Variants in ZNF462 observed in about 807,000 individuals in gnomAD.
ZNF462 encodes the protein zinc finger PBX1-interacting protein.
Under a neutral mutation model 201.9 loss-of-function variants are expected in ZNF462, and 10 were observed. That is an observed-to-expected ratio of 0.05 (90% CI 0.03 to 0.08). The LOEUF (loss-of-function observed/expected upper bound fraction) is 0.08. ZNF462 is among the 10% of genes least tolerant of loss of function. The probability of loss-of-function intolerance (pLI) is 1.00; values close to 1 mark genes in which losing one functional copy is unlikely to be tolerated. For synonymous variants in ZNF462, 1,227 were observed against 1,193.3 expected, an observed-to-expected ratio of 1.03 and a Z score of -0.58; for missense variants, 2,523 against 3,168.3, an observed-to-expected ratio of 0.80 and a Z score of 4.89.
rs1021668981 is a variant in ZNF462 at position 106,923,884 on chromosome 9, G to T, written c.221-249G>T. 1.3e-5 allele frequency among the ~76,000 whole-genome samples: 2 copies of T among 152,162 alleles called. No individual in the cohort carries two copies. The highest frequency in any genetic ancestry group is 4.8e-5 in the African/African-American group (2 of 41,436). ...AATTTATGCAACTTGTATTTTTATA[G>T]CTGTGTGGCTCATTTATGGAGATGA... On this transcript the variant is annotated intron_variant, in intron 2 of 12. Coordinates refer to ENST00000277225, the MANE Select transcript of ZNF462 (RefSeq NM_021224.6). This position sits in a 1 kb window ranked among gnomAD's most constrained non-coding sequence, Gnocchi z 5.6.
At chr9:106,907,097 G>C (rs190273465) in intron 1 of ZNF462, among the ~76,000 whole-genome samples, 4 of 152,232 alleles carry the variant, frequency 2.6e-5, no homozygotes, top group African/African-American at 9.6e-5. Flanking sequence ...ATATAGTGGA[G>C]TGTTGATAGA....
rs539052572 is a variant in ZNF462, at chr9:106,974,780, A to G, written c.6832+507A>G. 8.2e-5 allele frequency: 13 copies of G among 158,374 alleles called. No homozygotes were observed. The highest frequency in any genetic ancestry group is 2.9e-4 in the African/African-American group (12 of 41,614). The allele number at this position is 158,374 out of a possible 1,614,324, so 9.8% of individuals were successfully genotyped here. On this transcript the variant is annotated intron_variant, in intron 9 of 12. Coordinates refer to ENST00000277225, the MANE Select transcript of ZNF462 (RefSeq NM_021224.6). This position sits in a 1 kb window ranked among gnomAD's most constrained non-coding sequence, Gnocchi z 4.0. Reference sequence around the variant, plus strand: ...ATTATACATTCTAATAATAGTCTCTATTATATATTCTAATAATAATTAGAA... The same window carrying G: ...ATTATACATTCTAATAATAGTCTCTGTTATATATTCTAATAATAATTAGAA...
At chr9:106,987,960 TCA>T (rs1827979296) in intron 10 of ZNF462, among the ~76,000 whole-genome samples, 1 of 152,198 alleles carries the variant, frequency 6.6e-6, no homozygotes, top group Admixed American at 6.5e-5. Flanking sequence ...TTGCCAAAGA[TCA>T]ATTGGCTATA....
rs1326785084 is a variant in ZNF462, at chr9:106,950,063, G to A, written c.6427+10956G>A. Among the ~76,000 whole-genome samples, 6 of 152,040 alleles carry A rather than the reference G, an allele frequency of 3.9e-5. No individual in the cohort carries two copies. Among genetic ancestry groups the A allele is most frequent in the South Asian group, 2.1e-4 (1 of 4,814 alleles). On this transcript the variant is annotated intron_variant, in intron 7 of 12. Transcript: ENST00000277225. This position sits in a 1 kb window ranked among gnomAD's most constrained non-coding sequence, Gnocchi z 4.1. ...GCATCCTGGTTTCTCTCGTCCCCTC[G>A]TCCTCTGGTTTCCAACTTACCAGAC...
rs899103457 is a variant in ZNF462, at chr9:106,872,101, T to C, written c.-31+8746T>C. Among the ~76,000 whole-genome samples the C allele has an allele frequency of 3.9e-5, 6 of 152,166 alleles. No homozygotes were observed. Among genetic ancestry groups the C allele is most frequent in the Non-Finnish European group, 8.8e-5 (6 of 68,026 alleles). ...CTAATCCCTAATTACATCATCCCTCTGTGTTATGACTAATTAGTCAGCAAT... is the reference window on the plus strand; with the variant it reads ...CTAATCCCTAATTACATCATCCCTCCGTGTTATGACTAATTAGTCAGCAAT... On this transcript the variant is annotated intron_variant, in intron 1 of 12. Coordinates refer to ENST00000277225, the MANE Select transcript of ZNF462 (RefSeq NM_021224.6). This position sits in a 1 kb window ranked among gnomAD's most constrained non-coding sequence, Gnocchi z 4.5.
chr9:106,879,689 C>T (rs1202425076), intron 1 of ZNF462, among the ~76,000 whole-genome samples: 3 of 152,076 alleles, frequency 2.0e-5, no homozygotes, highest in Non-Finnish European at 2.9e-5. Context: ...TTGGTAGAAG[C>T]CTGCAGAATG....
chr9:106,969,114 G>C (rs1421963386), intron 7 of ZNF462, among the ~76,000 whole-genome samples: 1 of 152,170 alleles, frequency 6.6e-6, no homozygotes, highest in Non-Finnish European at 1.5e-5. Flanking sequence ...AGAAAGGAAA[G>C]TAAAGCCCTA....
At chr9:106,915,490 C>A (rs749634249) in intron 1 of ZNF462, among the ~76,000 whole-genome samples, 5 of 152,144 alleles carry the variant, frequency 3.3e-5, no homozygotes, top group Non-Finnish European at 5.9e-5. Flanking sequence ...TCTTAGCTTT[C>A]ATTTTTAGAA....
intron 1 of ZNF462, among the ~76,000 whole-genome samples, chr9:106,897,290 T>C (rs1828853535): frequency 6.6e-6 from 1 of 152,184 alleles, no homozygotes; most frequent in South Asian, 2.1e-4. Flanking sequence ...TGCAACTTAT[T>C]TTTTCACTTA....
rs1829905535 is a variant in ZNF462, at chr9:107,011,087, G to A, written c.*57G>A. The A allele has an allele frequency of 6.4e-7, 1 of 1,556,900 alleles. No homozygotes were observed. The highest frequency in any genetic ancestry group is 1.7e-5 in the Admixed American group (1 of 59,022). ...TTGAACAGTGATGAAAAAGTGGGAGGGCTGGCTTGGGCTGAGAAGGGAGGG... is the reference window on the plus strand; with the variant it reads ...TTGAACAGTGATGAAAAAGTGGGAGAGCTGGCTTGGGCTGAGAAGGGAGGG... On this transcript the variant is annotated 3_prime_UTR_variant, in exon 13 of 13. Coordinates refer to ENST00000277225, the MANE Select transcript of ZNF462 (RefSeq NM_021224.6). This position sits in a 1 kb window ranked among gnomAD's most constrained non-coding sequence, Gnocchi z 5.6.
chr9:107,005,381 T>A lies in ZNF462; in HGVS notation c.7189+1955T>A, dbSNP rs1213208016. 6.6e-6 allele frequency among the ~76,000 whole-genome samples: 1 copy of A among 152,218 alleles called. No homozygotes were observed. Among genetic ancestry groups the A allele is most frequent in the Non-Finnish European group, 1.5e-5 (1 of 68,038 alleles). ...CCACATTCTCTCTAGCATGTTATCT[T>A]CACTCTTTTTGATAATAGCCTCGTA... On this transcript the variant is annotated intron_variant, in intron 11 of 12. Transcript: ENST00000277225. This position sits in a 1 kb window ranked among gnomAD's most constrained non-coding sequence, Gnocchi z 4.4.
In ZNF462 at chr9:106,883,717, G is replaced by T. The variant is rs964657680; in HGVS notation, c.-31+20362G>T. Among the ~76,000 whole-genome samples, 4 of 152,126 alleles carry T rather than the reference G, an allele frequency of 2.6e-5. No homozygotes were observed. Among genetic ancestry groups the T allele is most frequent in the Non-Finnish European group, 4.4e-5 (3 of 68,032 alleles). On this transcript the variant is annotated intron_variant, in intron 1 of 12. Transcript: ENST00000277225. This position sits in a 1 kb window ranked among gnomAD's most constrained non-coding sequence, Gnocchi z 4.9. ...ATCTTTTCCTCTGAAGTTTGGATGC[G>T]GTTCAAAGCTAAGATTGAGGCTCCT... is the stretch of plus-strand genomic sequence containing the variant.
intron 10 of ZNF462, among the ~76,000 whole-genome samples, chr9:106,987,746 G>A (rs969655776): frequency 1.1e-4 from 16 of 152,156 alleles, no homozygotes; most frequent in Non-Finnish European, 2.2e-4. Context: ...CTAAGCCAGT[G>A]TCTAGAAGGG....
chr9:107,004,167 A>T (rs1829389037), intron 11 of ZNF462, among the ~76,000 whole-genome samples: 1 of 152,234 alleles, frequency 6.6e-6, no homozygotes, highest in South Asian at 2.1e-4. Context: ...ACCCCAGACT[A>T]TACATACAAG....
chr9:106,950,505 G>A lies in ZNF462; in HGVS notation c.6427+11398G>A, dbSNP rs1386938470. 6.6e-6 allele frequency among the ~76,000 whole-genome samples: 1 copy of A among 152,120 alleles called. No individual in the cohort carries two copies. The highest frequency in any genetic ancestry group is 1.5e-5 in the Non-Finnish European group (1 of 68,010). On this transcript the variant is annotated intron_variant, in intron 7 of 12. Coordinates refer to ENST00000277225, the MANE Select transcript of ZNF462 (RefSeq NM_021224.6). This position sits in a 1 kb window ranked among gnomAD's most constrained non-coding sequence, Gnocchi z 4.1. ...TTGCCCATGGGTAAGTTTTTAATTA[G>A]GGATACAGAGAAGGAAAGATGAGGA...
intron 1 of ZNF462, among the ~76,000 whole-genome samples, chr9:106,899,531 ATCC>A (rs1828967663): frequency 6.6e-6 from 1 of 152,138 alleles, no homozygotes; most frequent in Admixed American, 6.5e-5. Flanking sequence ...AGAAAATGGA[ATCC>A]TCCTCCTCTT....
intron 1 of ZNF462, among the ~76,000 whole-genome samples, chr9:106,898,106 CTCTTGAAACTT>C (rs2131140744): frequency 6.6e-6 from 1 of 152,330 alleles, no homozygotes; most frequent in Admixed American, 6.5e-5. Context: ...ATGGAGTCCT[CTCTTGAAACTT>C]TGTTATTAAA....
upstream of ZNF462, among the ~76,000 whole-genome samples, chr9:106,861,155 G>A (rs1392871963): frequency 6.6e-6 from 1 of 152,042 alleles, no homozygotes; most frequent in Non-Finnish European, 1.5e-5. Context: ...AATGTGAGTG[G>A]GAGGAGAAAA....
intron 1 of ZNF462, among the ~76,000 whole-genome samples, chr9:106,899,877 A>G (rs1245879620): frequency 6.6e-6 from 1 of 151,902 alleles, no homozygotes. Context: ...TTATTGGGGT[A>G]CAGGTGGCAT....
Sources: allele counts gnomAD v4.1 joint callset (sites outside exome capture counted in the v4.1 genomes callset), GRCh38; gene constraint gnomAD v4.1.1; non-coding constraint Gnocchi (gnomAD v3.1); transcripts MANE v1.5; gene names NCBI Gene and HGNC (gene_info 2026-07-23, HGNC 2026-07-21).